The following IGBP1C variants were observed in gnomAD, a reference collection of about 807,000 sequenced individuals.
The protein encoded by IGBP1C is immunoglobulin-binding protein 1 family member C.
chr17:58,683,377 C>CT, the IGBP1C span, among the ~76,000 whole-genome samples: 1 of 149,092 alleles, frequency 6.7e-6, no homozygotes, highest in Admixed American at 6.8e-5. Flanking sequence ...CATCCCCCCC[C>CT]CCAAAAAAAA....
At chr17:58,677,369 T>C in the IGBP1C span, among the ~76,000 whole-genome samples, 5 of 152,196 alleles carry the variant, frequency 3.3e-5, no homozygotes, top group African/African-American at 7.2e-5. Context: ...GTGGTACTCA[T>C]TGTGTACAAA....
the IGBP1C span, among the ~76,000 whole-genome samples, chr17:58,686,568 T>G: frequency 6.6e-6 from 1 of 152,074 alleles, no homozygotes; most frequent in Non-Finnish European, 1.5e-5. Context: ...AGGATGTGCT[T>G]GCAAAGCAAA....
chr17:58,687,485 C>G, the IGBP1C span, among the ~76,000 whole-genome samples: 10 of 152,014 alleles, frequency 6.6e-5, no homozygotes, highest in Admixed American at 4.6e-4. Flanking sequence ...ATCGGGTGCT[C>G]TACCCACACC....
At chr17:58,660,865 G>A in the IGBP1C span, 2 of 795,752 alleles carry the variant, frequency 2.5e-6, no homozygotes, top group Non-Finnish European at 4.6e-6. Flanking sequence ...GAGTGAGAAT[G>A]AAGGGTTTCA....
At chr17:58,671,516 T>C in the IGBP1C span, among the ~76,000 whole-genome samples, 1 of 152,060 alleles carries the variant, frequency 6.6e-6, no homozygotes, top group Non-Finnish European at 1.5e-5. Context: ...CGCAGCTTTA[T>C]AGAATGAGGA....
the IGBP1C span, among the ~76,000 whole-genome samples, chr17:58,680,262 T>C: frequency 1.3e-5 from 2 of 152,094 alleles, no homozygotes; most frequent in South Asian, 2.1e-4. Flanking sequence ...CTGAGTAAGT[T>C]TGAAAACATG....
chr17:58,678,559 G>T, the IGBP1C span, among the ~76,000 whole-genome samples: 1 of 152,000 alleles, frequency 6.6e-6, no homozygotes, highest in Admixed American at 6.6e-5. Flanking sequence ...ATCATTCTGA[G>T]CAAACTTTGC....
the IGBP1C span, chr17:58,661,853 T>G: frequency 2.4e-6 from 1 of 409,698 alleles, no homozygotes; most frequent in Non-Finnish European, 4.3e-6. Context: ...GTGGGAATAA[T>G]ACTGCCTTCC....
the IGBP1C span, among the ~76,000 whole-genome samples, chr17:58,677,995 C>T: frequency 6.6e-6 from 1 of 152,100 alleles, no homozygotes; most frequent in Non-Finnish European, 1.5e-5. Context: ...ACTAAAAATA[C>T]AAAAATTAGC....
the IGBP1C span, among the ~76,000 whole-genome samples, chr17:58,688,361 C>G: frequency 8.5e-5 from 13 of 152,144 alleles, no homozygotes; most frequent in African/African-American, 3.1e-4. Context: ...CTCAAGTGAT[C>G]TGCCAGCCTC....
the IGBP1C span, among the ~76,000 whole-genome samples, chr17:58,666,923 G>A: frequency 9.9e-5 from 15 of 152,236 alleles, no homozygotes; most frequent in African/African-American, 3.6e-4. Context: ...CCGGCGTGAC[G>A]TCATGCATAG....
the IGBP1C span, among the ~76,000 whole-genome samples, chr17:58,669,552 G>A: frequency 1.3e-5 from 2 of 151,534 alleles, no homozygotes; most frequent in African/African-American, 4.9e-5. Flanking sequence ...TGACCAAAAT[G>A]GTGAAACCCC....
chr17:58,673,005 T>C, the IGBP1C span, among the ~76,000 whole-genome samples: 1 of 152,104 alleles, frequency 6.6e-6, no homozygotes, highest in Admixed American at 6.6e-5. Context: ...GTGCTGGGAT[T>C]ACAGGCATGA....
chr17:58,663,212 C>A, the IGBP1C span, among the ~76,000 whole-genome samples: 1 of 151,726 alleles, frequency 6.6e-6, no homozygotes, highest in African/African-American at 2.4e-5. Context: ...CACCTGAGGT[C>A]GGGAGTTCAA....
At chr17:58,660,463 G>A in the IGBP1C span, 2 of 590,288 alleles carry the variant, frequency 3.4e-6, no homozygotes, top group Non-Finnish European at 6.2e-6. Context: ...GCAACATTAA[G>A]CATCTTTGCC....
the IGBP1C span, chr17:58,679,693 G>A: frequency 6.6e-6 from 1 of 152,116 alleles, no homozygotes; most frequent in Non-Finnish European, 1.5e-5. Flanking sequence ...TTAAGTATGA[G>A]TCCCCAGCGC....
At chr17:58,678,536 G>A in the IGBP1C span, among the ~76,000 whole-genome samples, 9 of 152,086 alleles carry the variant, frequency 5.9e-5, no homozygotes, top group African/African-American at 1.9e-4. Context: ...GGACATGGAT[G>A]AAGCTGGAAA....
the IGBP1C span, among the ~76,000 whole-genome samples, chr17:58,667,581 G>A: frequency 6.6e-6 from 1 of 152,146 alleles, no homozygotes; most frequent in Non-Finnish European, 1.5e-5. Flanking sequence ...AAGAACCTGA[G>A]GCATGACAAA....
chr17:58,690,807 AT>A, the IGBP1C span, among the ~76,000 whole-genome samples: 1 of 152,174 alleles, frequency 6.6e-6, no homozygotes. Flanking sequence ...CAAAATCTTA[AT>A]AGCTCGGGGT....
Sources: allele counts gnomAD v4.1 joint callset (sites outside exome capture counted in the v4.1 genomes callset), GRCh38; gene constraint gnomAD v4.1.1; transcripts MANE v1.5; gene names NCBI Gene and HGNC (gene_info 2026-07-23, HGNC 2026-07-21).